The following ACBD6 variants were observed in gnomAD, a reference collection of about 807,000 sequenced individuals.
The protein encoded by ACBD6 is acyl-CoA binding domain containing 6, also known as acyl-CoA-binding domain-containing protein 6.
Under a neutral mutation model 37.2 loss-of-function variants are expected in ACBD6, and 28 were observed. The observed-to-expected ratio is 0.75, with a 90% CI of 0.56 to 1.03. ACBD6 has a LOEUF of 1.03. Among genes scored for constraint, ACBD6 ranks in the 50% least tolerant of loss-of-function variants. The probability of loss-of-function intolerance (pLI) is 0.00; values close to 1 mark genes in which losing one functional copy is unlikely to be tolerated. For synonymous variants in ACBD6, 113 were observed against 126.8 expected (o/e 0.89, Z 0.73); for missense variants, 340 against 337.4 (o/e 1.01, Z -0.06).
chr1:180,320,524 A>G (rs1354795462), intron 6 of ACBD6, among the ~76,000 whole-genome samples: 1 of 152,260 alleles, frequency 6.6e-6, no homozygotes, highest in Middle Eastern at 3.4e-3. Context: ...CTGTAATCCC[A>G]GCTACCTGGG....
At chr1:180,344,023 G>A (rs1475468847) in intron 6 of ACBD6, among the ~76,000 whole-genome samples, 1 of 152,162 alleles carries the variant, frequency 6.6e-6, no homozygotes, top group East Asian at 1.9e-4. Context: ...GACCATATTA[G>A]ACACATTGTG....
intron 3 of ACBD6, among the ~76,000 whole-genome samples, chr1:180,443,833 C>T (rs1180566217): frequency 6.8e-6 from 1 of 147,068 alleles, no homozygotes; most frequent in African/African-American, 2.5e-5. Flanking sequence ...CTGTGTTAGT[C>T]AGGATGGTCT....
intron 3 of ACBD6, among the ~76,000 whole-genome samples, chr1:180,458,842 A>G (rs1384501574): frequency 6.6e-6 from 1 of 152,230 alleles, no homozygotes; most frequent in Non-Finnish European, 1.5e-5. Flanking sequence ...TGATTCCTAA[A>G]AAGTCTGGCA....
At chr1:180,331,587 C>G (rs1558252897) in intron 6 of ACBD6, among the ~76,000 whole-genome samples, 1 of 152,152 alleles carries the variant, frequency 6.6e-6, no homozygotes, top group Non-Finnish European at 1.5e-5. Flanking sequence ...CGTAAGTATA[C>G]CTAAGTGAAT....
At chr1:180,465,425 G>C (rs1650309572) in intron 3 of ACBD6, among the ~76,000 whole-genome samples, 1 of 152,118 alleles carries the variant, frequency 6.6e-6, no homozygotes, top group Non-Finnish European at 1.5e-5. Context: ...CAACATCACT[G>C]ATCATTCGAG....
chr1:180,380,020 G>C (rs1283732549), intron 6 of ACBD6, among the ~76,000 whole-genome samples: 5 of 152,174 alleles, frequency 3.3e-5, no homozygotes, highest in Non-Finnish European at 2.9e-5. Flanking sequence ...CCAGCACTTT[G>C]AGAGGTGAGG....
At chr1:180,361,809 A>G (rs571579337) in intron 6 of ACBD6, among the ~76,000 whole-genome samples, 2 of 152,298 alleles carry the variant, frequency 1.3e-5, no homozygotes, top group Non-Finnish European at 2.9e-5. Context: ...ATCCTTAGAA[A>G]CATAATAAAG....
intron 6 of ACBD6, among the ~76,000 whole-genome samples, chr1:180,371,355 A>C (rs1041876707): frequency 1.1e-4 from 16 of 152,120 alleles, no homozygotes; most frequent in Middle Eastern, 3.2e-3. Context: ...AATCAGTTTA[A>C]CCTGATTGTT....
intron 4 of ACBD6, among the ~76,000 whole-genome samples, chr1:180,414,425 G>A (rs138283308): frequency 9.8e-5 from 15 of 152,322 alleles, no homozygotes; most frequent in Non-Finnish European, 1.9e-4. Context: ...TATCCTAAAA[G>A]CCAATCTAAA....
At chr1:180,340,751 C>T (rs1014630838) in intron 6 of ACBD6, among the ~76,000 whole-genome samples, 7 of 151,936 alleles carry the variant, frequency 4.6e-5, no homozygotes, top group Admixed American at 1.3e-4. Flanking sequence ...CCAGATAGTT[C>T]ATCCACACTA....
chr1:180,390,321 G>A (rs900944912), intron 6 of ACBD6, among the ~76,000 whole-genome samples: 6 of 145,840 alleles, frequency 4.1e-5, no homozygotes, highest in African/African-American at 1.0e-4. Flanking sequence ...GTAGATACGC[G>A]GCATTATTTC....
In ACBD6 at chr1:180,465,146, G is replaced by A. The variant is rs549512094; in HGVS notation, c.384+27123C>T. 7.9e-5 allele frequency among the ~76,000 whole-genome samples: 12 copies of A among 152,170 alleles called. No individual in the cohort carries two copies. The South Asian group carries it at 1.0e-3, about 13-fold the overall frequency. ...ATTTCATGACAAAGAAACCAAAAGC[G>A]ATTGCAACGAAAGCAAAACTTGACA... On this transcript the variant is annotated intron_variant, in intron 3 of 7. Transcript: ENST00000367595.
At chr1:180,494,488 A>T (rs1228414897) in intron 2 of ACBD6, among the ~76,000 whole-genome samples, 4 of 152,204 alleles carry the variant, frequency 2.6e-5, no homozygotes, top group African/African-American at 9.6e-5. Context: ...TCCTATACAA[A>T]AAAAAATCAG....
At position 180,324,714 on chromosome 1, in the gene ACBD6, T is replaced by C. The variant is rs551205132; in HGVS notation, c.664-9992A>G. Among the ~76,000 whole-genome samples the C allele has an allele frequency of 4.6e-5, 7 of 152,318 alleles. No individual in the cohort carries two copies. In the South Asian group the frequency reaches 1.0e-3, roughly 23 times the overall value. ...TTTGTACCTTCATATAATTTCTTAT[T>C]GCTCATTAACATACTTTTCCTTCTG... On this transcript the variant is annotated intron_variant, in intron 6 of 7. Transcript: ENST00000367595.
Position 180,385,269 on chromosome 1 carries a change from A to G in ACBD6, c.663+12247T>C, listed in dbSNP as rs74132804. 5.9e-3 allele frequency among the ~76,000 whole-genome samples: 893 copies of G among 151,812 alleles called. 9 individuals carry two copies. Among genetic ancestry groups the G allele is most frequent in the African/African-American group, 0.02 (836 of 41,320 alleles). ...AAGAAGTCAGGAAAGAAAAAAATAG[A>G]GAAACAGAGCAGATGGGACAAACAG... On this transcript the variant is annotated intron_variant, in intron 6 of 7. Coordinates refer to ENST00000367595, the MANE Select transcript of ACBD6 (RefSeq NM_032360.4).
intron 5 of ACBD6, among the ~76,000 whole-genome samples, chr1:180,398,909 T>C (rs774178608): frequency 3.3e-5 from 5 of 152,196 alleles, no homozygotes; most frequent in Non-Finnish European, 7.4e-5. Context: ...CAAGGATTGA[T>C]TTAAAGTAAA....
At chr1:180,336,007 T>C (rs1438228477) in intron 6 of ACBD6, among the ~76,000 whole-genome samples, 2 of 151,608 alleles carry the variant, frequency 1.3e-5, no homozygotes, top group African/African-American at 4.9e-5. Flanking sequence ...CCCAGATTCA[T>C]AAAGCAAGTC....
intron 6 of ACBD6, among the ~76,000 whole-genome samples, chr1:180,391,787 A>G (rs1654085822): frequency 1.3e-5 from 2 of 152,166 alleles, no homozygotes; most frequent in African/African-American, 4.8e-5. Flanking sequence ...ATGACCCAGC[A>G]ATTCTACTCC....
At chr1:180,271,397 G>A (rs1355278535) in exon 14 of ACBD6, 1 of 1,614,218 alleles carries the variant, frequency 6.2e-7, no homozygotes, top group Non-Finnish European at 8.5e-7. Context: ...AGAGGCTGGA[G>A]CTAAGCGGCC....
Sources: gnomAD v4.1 joint callset for allele counts (sites outside exome capture counted in the v4.1 genomes callset) on GRCh38, gnomAD v4.1.1 for gene constraint, MANE v1.5 for transcripts, NCBI Gene and HGNC (gene_info 2026-07-23, HGNC 2026-07-21) for gene names.